MDN1: variants seen among roughly 807,000 people sequenced by gnomAD.
MDN1 encodes midasin.
In MDN1, 266 loss-of-function variants were observed where a neutral mutation model predicts 669.2. The ratio of observed to expected loss-of-function variants is 0.40; its 90% CI spans 0.36 to 0.44. The LOEUF (loss-of-function observed/expected upper bound fraction) is 0.44. Among genes scored for constraint, MDN1 ranks in the 20% least tolerant of loss-of-function variants. The probability of loss-of-function intolerance (pLI) is 1.00; values close to 1 mark genes in which losing one functional copy is unlikely to be tolerated. For missense variants in MDN1, 5,940 were observed against 6,754.0 expected (o/e 0.88, Z 4.22); for synonymous variants, 2,385 against 2,457.1 (o/e 0.97, Z 0.87).
chr6:89,677,034 A>G (rs866589485), intron 76 of MDN1, among the ~76,000 whole-genome samples: 18 of 150,314 alleles, frequency 1.2e-4, no homozygotes, highest in South Asian at 6.3e-4. Context: ...AAAAAAAAAA[A>G]GGGAAGAAGA....
chr6:89,741,169 C>T (rs1816278142), intron 31 of MDN1, among the ~76,000 whole-genome samples: 2 of 152,184 alleles, frequency 1.3e-5, no homozygotes, highest in Non-Finnish European at 2.9e-5. Context: ...GAGGCAGAAG[C>T]TGCAGTGAGC....
chr6:89,661,940 G>A, intron 87 of MDN1, 147 bp downstream of exon 87: 1 of 927,936 alleles, frequency 1.1e-6, no homozygotes, highest in South Asian at 1.7e-5. Flanking sequence ...GTCCTGTTAA[G>A]AGCCTCTGTT....
At position 89,674,279 on chromosome 6, in the gene MDN1, AG is replaced by A; in HGVS notation, c.13071del (p.Tyr4358ThrfsTer30). 1 of 1,614,218 alleles carries A rather than the reference AG, an allele frequency of 6.2e-7. No individual in the cohort carries two copies. The highest frequency in any genetic ancestry group is 8.5e-7 in the Non-Finnish European group (1 of 1,180,036). ...VVLDLIPSNL[S>X]YPSPIPGSQL... ...TGACTTCCAGGTATTGGAGATGGGT[AG>A]CTCAGATTGGAAGGAATTAGGTCCA... On this transcript the variant is annotated frameshift_variant, in exon 79 of 102. Coordinates refer to ENST00000369393, the MANE Select transcript of MDN1 (RefSeq NM_014611.3). LOFTEE classifies it high-confidence loss of function.
chr6:89,783,037 T>C (rs953679273), intron 9 of MDN1, among the ~76,000 whole-genome samples: 6 of 152,108 alleles, frequency 3.9e-5, no homozygotes, highest in Non-Finnish European at 1.5e-5. Context: ...TCATAAAACA[T>C]GTGTGTTTGA....
In MDN1 at chr6:89,756,333, A is replaced by G; in HGVS notation, c.2760T>C (p.Ile920=). Reference sequence around the variant, plus strand: ...CACTCAATCCTTTCAGATAATCTACAATAAGAACCTGTAAGTCTTCTTTGC... The same window carrying G: ...CACTCAATCCTTTCAGATAATCTACGATAAGAACCTGTAAGTCTTCTTTGC... ...LESKEDLQVL[I]VDYLKGLSVN... is the part of the protein sequence containing the mutation. Residue 920 remains isoleucine, a synonymous_variant, in exon 20 of 102, where the codon ATT becomes ATC. Coordinates refer to ENST00000369393, the MANE Select transcript of MDN1 (RefSeq NM_014611.3). 1 of 1,604,674 alleles carries G rather than the reference A, an allele frequency of 6.2e-7. No individual in the cohort carries two copies. The highest frequency in any genetic ancestry group is 8.5e-7 in the Non-Finnish European group (1 of 1,175,338).
intron 1 of MDN1, among the ~76,000 whole-genome samples, chr6:89,808,910 A>G (rs1244952172): frequency 6.6e-6 from 1 of 152,140 alleles, no homozygotes; most frequent in East Asian, 1.9e-4. Context: ...CAGTTATTCT[A>G]TCATGAACAA....
intron 88 of MDN1, among the ~76,000 whole-genome samples, chr6:89,659,829 A>G (rs539666910): frequency 6.6e-6 from 1 of 152,400 alleles, no homozygotes; most frequent in South Asian, 2.1e-4. Context: ...GAGATTTTCT[A>G]TACTTTGGAC....
At chr6:89,710,122 A>G (rs761199337) in intron 50 of MDN1, among the ~76,000 whole-genome samples, 9 of 152,202 alleles carry the variant, frequency 5.9e-5, no homozygotes, top group Admixed American at 5.2e-4. Flanking sequence ...TTTAAGTCAA[A>G]TATCTCGTGG....
intron 90 of MDN1, among the ~76,000 whole-genome samples, chr6:89,657,233 T>C (rs1809380517): frequency 6.6e-6 from 1 of 152,248 alleles, no homozygotes. Flanking sequence ...GAGGACTTTC[T>C]GAAGTACTGA....
In MDN1 at chr6:89,688,636, T is replaced by G. The variant is rs370754296; in HGVS notation, c.11196A>C (p.Gln3732His). The change falls in exon 66 of 102, where the codon CAA (glutamine) becomes CAC (histidine). Residue 3732 changes from glutamine to histidine, a missense_variant. Gln to His is a conservative substitution (Grantham distance 24). This residue lies in a region of MDN1 where 2,280 missense variants were observed against 2,576.3 expected (regional missense o/e 0.88). Coordinates refer to ENST00000369393, the MANE Select transcript of MDN1 (RefSeq NM_014611.3). ...PEARQCQPVL[Q>H]GFSEAVSHLL... ...AGTGACTGACAGCCTCTGAGAAACC[T>G]TGAAGCACAGGTTGACACTGCCGTG... The G allele has an allele frequency of 2.5e-6, 4 of 1,614,188 alleles. No homozygotes were observed. Among genetic ancestry groups the G allele is most frequent in the Non-Finnish European group, 2.5e-6 (3 of 1,180,022 alleles).
chr6:89,784,160 C>CA (rs1818826588), intron 9 of MDN1, among the ~76,000 whole-genome samples: 7 of 150,960 alleles, frequency 4.6e-5, no homozygotes, highest in South Asian at 4.2e-4. Flanking sequence ...ACTAAAAATA[C>CA]AAAAAAAATA....
chr6:89,800,636 A>T (rs904191347), intron 2 of MDN1, among the ~76,000 whole-genome samples: 2 of 152,146 alleles, frequency 1.3e-5, no homozygotes, highest in African/African-American at 2.4e-5. Flanking sequence ...CTAGTAAAGA[A>T]ACTGTTTTCC....
rs1211880821 is a variant in MDN1, at chr6:89,664,393, G to T, written c.14236+94C>A. On this transcript the variant is annotated intron_variant, in intron 85 of 101. Transcript: ENST00000369393. ...GCACAGTAACCAACTTGTTTCAAAAGATTATATTGGGTTCCTTATTAGGAA... is the reference window on the plus strand; with the variant it reads ...GCACAGTAACCAACTTGTTTCAAAATATTATATTGGGTTCCTTATTAGGAA... The T allele has an allele frequency of 3.6e-5, 54 of 1,493,372 alleles. 1 individual carries two copies. The Admixed American group carries it at 1.1e-3, about 29-fold the overall frequency. The allele number at this position is 1,493,372 out of a possible 1,614,324, so 92.5% of individuals were successfully genotyped here.
chr6:89,793,743 C>G lies in MDN1; in HGVS notation c.855+19G>C, dbSNP rs762679927. On this transcript the variant is annotated intron_variant, in intron 5 of 101. Coordinates refer to ENST00000369393, the MANE Select transcript of MDN1 (RefSeq NM_014611.3). The stretch of plus-strand genomic sequence containing the variant: ...TTAGTAGGGGGAAGGGGACACACCC[C>G]CTACTGATACCAACATACCAGCTCT... 1.6e-5 allele frequency: 26 copies of G among 1,606,140 alleles called. No homozygotes were observed. Among genetic ancestry groups the G allele is most frequent in the Non-Finnish European group, 1.9e-5 (22 of 1,175,520 alleles).
rs759870822 is a variant in MDN1 at position 89,747,467 on chromosome 6, A to G, written c.3766T>C (p.Tyr1256His). The stretch of plus-strand genomic sequence containing the variant: ...GCAAACACTGAAGAACTTCTGCGAT[A>G]GGACTGTTGAAGTATCAAAACAAAT... ...LVKVMLDLQS[Y>H]RRSSSVFAGK... The change falls in exon 27 of 102, where the codon TAT becomes CAT. Residue 1256 changes from tyrosine to histidine, a missense_variant. This residue lies in a region of MDN1 where 2,292 missense variants were observed against 2,638.3 expected (regional missense o/e 0.87). Transcript: ENST00000369393. 1 of 1,612,938 alleles carries G rather than the reference A, an allele frequency of 6.2e-7. No homozygotes were observed. Among genetic ancestry groups the G allele is most frequent in the Non-Finnish European group, 8.5e-7 (1 of 1,179,750 alleles).
chr6:89,732,203 A>G (rs758202039), intron 34 of MDN1, among the ~76,000 whole-genome samples: 4 of 151,728 alleles, frequency 2.6e-5, no homozygotes, highest in Admixed American at 6.6e-5. Context: ...TAAGTGTTCA[A>G]TTTCTTTACA....
At chr6:89,818,803 G>A (rs1769039105) in intron 1 of MDN1, among the ~76,000 whole-genome samples, 2 of 147,550 alleles carry the variant, frequency 1.4e-5, no homozygotes, top group Admixed American at 6.8e-5. Context: ...GCGAGACTCC[G>A]TCTCAAAAAA....
Position 89,794,640 on chromosome 6 carries a change from C to G in MDN1, c.491G>C (p.Arg164Pro). The change falls in exon 3 of 102, where the codon CGG becomes CCG. Residue 164 changes from arginine to proline, a missense_variant. Around this residue, in one of 5 missense-constraint regions of MDN1, gnomAD observed 1,203 missense variants for 1,268.9 expected, o/e 0.95. Coordinates refer to ENST00000369393, the MANE Select transcript of MDN1 (RefSeq NM_014611.3). ...ACACACACTCCAGTCCCAGAGCTCC[C>G]GGAACACAGACTGCTCCTGCTGCAG... ...KFLQQEQSVFRELWDWSVCVP... is the reference protein window; with the variant it reads ...KFLQQEQSVFPELWDWSVCVP... 1.2e-6 allele frequency: 2 copies of G among 1,613,990 alleles called. No individual in the cohort carries two copies. The highest frequency in any genetic ancestry group is 1.7e-6 in the Non-Finnish European group (2 of 1,180,040).
chr6:89,677,601 T>C lies in MDN1; in HGVS notation c.12508A>G (p.Ile4170Val), dbSNP rs116256278. ...HPLDLQSALSIVSSTQEADSR... is the reference protein window; with the variant it reads ...HPLDLQSALSVVSSTQEADSR... The stretch of plus-strand genomic sequence containing the variant: ...TCAGCCTCCTGAGTGCTGCTGACGA[T>C]GGACAATGCGCTCTGGAGATCTAAT... Residue 4170 changes from isoleucine to valine, a missense_variant, in exon 76 of 102, where the codon ATC becomes GTC. Ile to Val is a conservative substitution (Grantham distance 29). This residue lies in a region of MDN1 where 2,280 missense variants were observed against 2,576.3 expected (regional missense o/e 0.88). Coordinates refer to ENST00000369393, the MANE Select transcript of MDN1 (RefSeq NM_014611.3). 12 of 1,614,180 alleles carry C rather than the reference T, an allele frequency of 7.4e-6. No homozygotes were observed. Among genetic ancestry groups the C allele is most frequent in the Non-Finnish European group, 1.0e-5 (12 of 1,180,020 alleles).
Sources: gnomAD v4.1 joint callset for allele counts (sites outside exome capture counted in the v4.1 genomes callset) on GRCh38, gnomAD v4.1.1 for gene constraint, gnomAD v4.1.1 regional missense constraint, MANE v1.5 for transcripts, NCBI Gene and HGNC (gene_info 2026-07-23, HGNC 2026-07-21) for gene names.